Variants in THBS4 observed in about 807,000 individuals in gnomAD.
THBS4 encodes the protein thrombospondin 4.
Under a neutral mutation model 115.7 loss-of-function variants are expected in THBS4, and 90 were observed. The ratio of observed to expected loss-of-function variants is 0.78; its 90% confidence interval spans 0.66 to 0.93. THBS4 has a LOEUF of 0.93. Among genes scored for constraint, THBS4 ranks in the 40% least tolerant of loss-of-function variants. THBS4 has a pLI of 0.00. For synonymous variants in THBS4, 460 were observed against 479.3 expected (o/e 0.96, Z 0.53); for missense variants, 1,087 against 1,232.7 (o/e 0.88, Z 1.77).
Position 80,040,066 on chromosome 5 carries a change from C to T in THBS4, c.89-11C>T, listed in dbSNP as rs1339088097. 1.3e-5 allele frequency: 21 copies of T among 1,613,652 alleles called. No individual in the cohort carries two copies. In the East Asian group the frequency reaches 4.2e-4, roughly 33 times the overall value. ...CTTTCACTTATACCCCTTCTTCTCC[C>T]TTCTTCCCAGTCTTTGACCTTCTCC... On this transcript the variant is annotated splice_polypyrimidine_tract_variant and intron_variant, in intron 1 of 21. Coordinates refer to ENST00000350881, the MANE Select transcript of THBS4 (RefSeq NM_003248.6).
At chr5:80,050,954 C>T (rs957058928) in intron 2 of THBS4, among the ~76,000 whole-genome samples, 3 of 152,066 alleles carry the variant, frequency 2.0e-5, no homozygotes, top group African/African-American at 4.8e-5. Context: ...GAGGTGTGGT[C>T]GAGTCGGGAG....
In THBS4 at chr5:80,058,800, G is replaced by T; in HGVS notation, c.732+10G>T. 1 of 1,611,796 alleles carries T rather than the reference G, an allele frequency of 6.2e-7. No individual in the cohort carries two copies. Among genetic ancestry groups the T allele is most frequent in the South Asian group, 1.1e-5 (1 of 90,756 alleles). On this transcript the variant is annotated intron_variant, in intron 5 of 21. Transcript: ENST00000350881. ...CCTTCTGAGACAGCAGGTAACAAGC[G>T]GGACATATCATCAGAAAAGCCCTCG...
intron 15 of THBS4, among the ~76,000 whole-genome samples, chr5:80,074,648 G>A (rs1743106235): frequency 6.7e-6 from 1 of 148,538 alleles, no homozygotes; most frequent in African/African-American, 2.5e-5. Flanking sequence ...TTTTGAGATG[G>A]AGTCTTGCTC....
upstream of THBS4, among the ~76,000 whole-genome samples, chr5:80,030,546 T>A (rs2112004490): frequency 2.0e-5 from 3 of 152,246 alleles, no homozygotes; most frequent in South Asian, 6.2e-4. Flanking sequence ...TGTTTGTATT[T>A]TTAGTAGAGA....
At chr5:80,022,015 T>C (rs1832388214) in intron 2 of THBS4, among the ~76,000 whole-genome samples, 4 of 152,174 alleles carry the variant, frequency 2.6e-5, no homozygotes, top group Admixed American at 2.0e-4. Context: ...TAAGCTACCC[T>C]ACACTGAGGG....
chr5:80,074,931 C>G (rs557305551), intron 15 of THBS4, among the ~76,000 whole-genome samples: 2 of 152,102 alleles, frequency 1.3e-5, no homozygotes, highest in African/African-American at 4.8e-5. Context: ...ATATAGTCAT[C>G]CCTCAGTGTC....
At chr5:80,071,225 CT>C (rs1834039143) in intron 13 of THBS4, 45 bp downstream of exon 13, 1 of 1,544,346 alleles carries the variant, frequency 6.5e-7, no homozygotes, top group East Asian at 2.3e-5. Flanking sequence ...TTCAGTTGAC[CT>C]TGTTCCATTG....
chr5:80,056,158 T>C, intron 3 of THBS4, 126 bp downstream of exon 3: 2 of 1,197,708 alleles, frequency 1.7e-6, no homozygotes, highest in Non-Finnish European at 2.3e-6. Context: ...CACATCAGAA[T>C]CACCTGCGGA....
chr5:80,028,128 T>C (rs1189653332), intron 2 of THBS4, among the ~76,000 whole-genome samples: 2 of 151,950 alleles, frequency 1.3e-5, no homozygotes, highest in Non-Finnish European at 2.9e-5. Context: ...GGCAGGAGTA[T>C]CTTTTGAACC....
intron 1 of THBS4, among the ~76,000 whole-genome samples, chr5:79,992,008 G>A (rs533842848): frequency 6.6e-6 from 1 of 152,154 alleles, no homozygotes. Context: ...GCTTAAAAAG[G>A]CTCCTCATTT....
chr5:80,069,493 T>C (rs189634888), intron 10 of THBS4, among the ~76,000 whole-genome samples: 15 of 152,290 alleles, frequency 9.8e-5, no homozygotes, highest in Middle Eastern at 3.4e-3. Context: ...TGTGAACAAA[T>C]TGACAACTCC....
upstream of THBS4, among the ~76,000 whole-genome samples, chr5:80,034,068 A>G (rs894379499): frequency 6.6e-6 from 1 of 152,164 alleles, no homozygotes; most frequent in African/African-American, 2.4e-5. Context: ...TGGTCTGGAG[A>G]TTTGAATGTT....
rs1743250897 is a variant in THBS4 at position 80,076,994 on chromosome 5, C to G, written c.2032C>G (p.Pro678Ala). ...TGATGGTATCCCAGACCTGGTGCCC[C>G]CTGGACCAGACAACTGCCGGCTGGT... ...DNDGIPDLVP[P>A]GPDNCRLVPN... The change falls in exon 16 of 22, where the codon CCT becomes GCT. Residue 678 changes from proline to alanine, a missense_variant. Transcript: ENST00000350881. 2 of 1,612,904 alleles carry G rather than the reference C, an allele frequency of 1.2e-6. No homozygotes were observed.
chr5:80,035,068 C>T (rs976618478), upstream of THBS4, among the ~76,000 whole-genome samples: 10 of 152,234 alleles, frequency 6.6e-5, no homozygotes, highest in African/African-American at 2.4e-4. This position sits in a 1 kb window ranked among gnomAD's most constrained non-coding sequence, Gnocchi z 4.6. Context: ...TCCTTTCTCC[C>T]CTGTGGTCTC....
chr5:80,074,620 C>G (rs1202451152), intron 15 of THBS4, among the ~76,000 whole-genome samples: 2 of 148,840 alleles, frequency 1.3e-5, no homozygotes, highest in Non-Finnish European at 3.0e-5. Flanking sequence ...CCACAGCTCT[C>G]TCTCTCTTTT....
chr5:80,068,109 G>T lies in THBS4; in HGVS notation c.1331G>T (p.Gly444Val), dbSNP rs771870599. ...VNAQCIEERQ[G>V]DVTCVCGVGW... ...GCCCAGTGCATTGAAGAGAGGCAGG[G>T]GGATGTGACATGTGTGGTAAGTTGT... The change falls in exon 10 of 22, where the codon GGG becomes GTG. Residue 444 changes from glycine to valine, a missense_variant. By Grantham distance (109) the Gly-to-Val change is moderately radical. Transcript: ENST00000350881. 1.2e-6 allele frequency: 2 copies of T among 1,614,012 alleles called. No homozygotes were observed. Among genetic ancestry groups the T allele is most frequent in the East Asian group, 4.5e-5 (2 of 44,878 alleles).
At chr5:80,026,184 T>C (rs1832472787) in intron 2 of THBS4, among the ~76,000 whole-genome samples, 1 of 152,244 alleles carries the variant, frequency 6.6e-6, no homozygotes, top group Non-Finnish European at 1.5e-5. Flanking sequence ...CTGAAATTTA[T>C]ATGAACCTGG....
chr5:80,039,964 G>A, intron 1 of THBS4, 113 bp from the exon 2 acceptor site: 1 of 920,548 alleles, frequency 1.1e-6, no homozygotes, highest in African/African-American at 1.6e-5. Flanking sequence ...TACAAGATTA[G>A]TTTACATTAC....
chr5:80,009,000 T>C (rs911302484), intron 2 of THBS4, among the ~76,000 whole-genome samples: 1 of 152,194 alleles, frequency 6.6e-6, no homozygotes, highest in East Asian at 1.9e-4. Context: ...GAAGCACCAA[T>C]GGAAATGGCT....
Sources: allele counts gnomAD v4.1 joint callset (sites outside exome capture counted in the v4.1 genomes callset), GRCh38; gene constraint gnomAD v4.1.1; non-coding constraint Gnocchi (gnomAD v3.1); transcripts MANE v1.5; gene names NCBI Gene and HGNC (gene_info 2026-07-23, HGNC 2026-07-21).